Variants in AGPAT3 observed in about 807,000 individuals in gnomAD.
AGPAT3 encodes 1-acylglycerol-3-phosphate O-acyltransferase 3.
A neutral mutation model predicts 47.3 loss-of-function variants in AGPAT3; 5 were observed. The observed-to-expected ratio is 0.11, with a 90% CI of 0.06 to 0.22. The LOEUF is 0.22. AGPAT3 is among the 10% of genes least tolerant of loss of function. The pLI, the probability that AGPAT3 is intolerant of heterozygous loss-of-function variation, is 1.00. For synonymous variants in AGPAT3, 212 were observed against 208.3 expected, an observed-to-expected ratio of 1.02 and a Z score of -0.15; for missense variants, 315 against 493.0, an observed-to-expected ratio of 0.64 and a Z score of 3.42.
At position 43,920,330 on chromosome 21, in the gene AGPAT3, ACT is replaced by A. The variant is rs2086865004; in HGVS notation, c.-49+16313_-49+16314del. On this transcript the variant is annotated intron_variant, in intron 2 of 9. Transcript: ENST00000291572. This position sits in a 1 kb window ranked among gnomAD's most constrained non-coding sequence, Gnocchi z 6.1. ...AGTGTTGAATGTGTGTGTGAGTGTG[ACT>A]CGGCTGAGAGGAGACAGCGCAGCTG... Among the ~76,000 whole-genome samples, 1 of 151,858 alleles carries A rather than the reference ACT, an allele frequency of 6.6e-6. No individual in the cohort carries two copies. Among genetic ancestry groups the A allele is most frequent in the African/African-American group, 2.4e-5 (1 of 41,342 alleles).
chr21:43,927,009 G>A (rs959873553), intron 2 of AGPAT3, among the ~76,000 whole-genome samples: 1 of 151,008 alleles, frequency 6.6e-6, no homozygotes, highest in Non-Finnish European at 1.5e-5. Context: ...AAAGAGACAG[G>A]GTTTTGCCAT....
chr21:43,931,051 CT>C (rs1037229257), intron 2 of AGPAT3, among the ~76,000 whole-genome samples: 1 of 152,170 alleles, frequency 6.6e-6, no homozygotes, highest in Non-Finnish European at 1.5e-5. Context: ...TTGCCATTGC[CT>C]TTTCTCGAGG....
At chr21:43,865,384 C>G (rs1228928784) in intron 1 of AGPAT3, 39 bp downstream of exon 1, 1 of 146,738 alleles carries the variant, frequency 6.8e-6, no homozygotes, top group East Asian at 2.0e-4. Flanking sequence ...GGGCCGCCCC[C>G]CTCTTCCCCC....
intron 1 of AGPAT3, among the ~76,000 whole-genome samples, chr21:43,882,275 G>A (rs1018134796): frequency 2.6e-5 from 4 of 152,266 alleles, no homozygotes; most frequent in Admixed American, 1.3e-4. Flanking sequence ...TTAGTGCTCT[G>A]TGTTATTAAT....
chr21:43,915,278 C>T (rs1045316626), intron 2 of AGPAT3, among the ~76,000 whole-genome samples: 2 of 151,670 alleles, frequency 1.3e-5, no homozygotes, highest in Non-Finnish European at 2.9e-5. Context: ...TCTCAAACTC[C>T]TGAGCTCAAG....
At position 43,985,530 on chromosome 21, in the gene AGPAT3, TG is replaced by T. The variant is rs1205945129; in HGVS notation, c.*3139del. Reference sequence around the variant, plus strand: ...TCGTTGCGGTATTGCTGAGCATTGATGTTGATTTGAAGGAAAAGCCGTGGTT... The same window carrying T: ...TCGTTGCGGTATTGCTGAGCATTGATTTGATTTGAAGGAAAAGCCGTGGTT... On this transcript the variant is annotated 3_prime_UTR_variant, in exon 10 of 10. Coordinates refer to ENST00000291572, the MANE Select transcript of AGPAT3 (RefSeq NM_020132.5). The T allele has an allele frequency of 3.6e-6, 1 of 274,040 alleles. No individual in the cohort carries two copies. Among genetic ancestry groups the T allele is most frequent in the African/African-American group, 2.3e-5 (1 of 44,370 alleles). 17.0% of individuals were successfully genotyped at this position (274,040 alleles called of 1,614,324 possible).
At chr21:43,958,664 CAT>C (rs2088616109) in intron 2 of AGPAT3, among the ~76,000 whole-genome samples, 1 of 130,972 alleles carries the variant, frequency 7.6e-6, no homozygotes, top group African/African-American at 3.1e-5. Flanking sequence ...GTATATGTAG[CAT>C]GTGTATGGTT....
Position 43,906,223 on chromosome 21 carries a change from C to G in AGPAT3, c.-49+2204C>G, listed in dbSNP as rs79343939. ...AACCAAGCTTCTAGGGTGAGTAACT[C>G]GATATTCACCAAACCGGGTGACTGT... is the stretch of plus-strand genomic sequence containing the variant. On this transcript the variant is annotated intron_variant, in intron 2 of 9. Coordinates refer to ENST00000291572, the MANE Select transcript of AGPAT3 (RefSeq NM_020132.5). 8.7e-3 allele frequency among the ~76,000 whole-genome samples: 1,330 copies of G among 152,128 alleles called. 19 individuals are homozygous for G. The highest frequency in any genetic ancestry group is 0.03 in the African/African-American group (1,263 of 41,500).
At chr21:43,919,819 T>A (rs1238591739) in intron 2 of AGPAT3, 2 of 152,294 alleles carry the variant, frequency 1.3e-5, no homozygotes, top group Non-Finnish European at 2.9e-5. Context: ...CTTCACGAAT[T>A]TGCATGTCGT....
intron 2 of AGPAT3, among the ~76,000 whole-genome samples, chr21:43,959,156 CGTGTGTGGT>C (rs1411983272): frequency 1.3e-5 from 1 of 74,306 alleles, no homozygotes; most frequent in Admixed American, 1.4e-4. Flanking sequence ...ATGTGTGTGG[CGTGTGTGGT>C]GTGTGTGGTT....
In AGPAT3 at chr21:43,933,348, C is replaced by G. The variant is rs911287461; in HGVS notation, c.-48-26286C>G. ...TCTCCCTTGCGGGTCGTCTCTTTAC[C>G]CTGTCGTTCCCTTTGTCATGCAGAA... On this transcript the variant is annotated intron_variant, in intron 2 of 9. Coordinates refer to ENST00000291572, the MANE Select transcript of AGPAT3 (RefSeq NM_020132.5). This position sits in a 1 kb window ranked among gnomAD's most constrained non-coding sequence, Gnocchi z 6.0. 4.6e-5 allele frequency among the ~76,000 whole-genome samples: 7 copies of G among 152,136 alleles called. No homozygotes were observed. The highest frequency in any genetic ancestry group is 1.4e-4 in the African/African-American group (6 of 41,426).
intron 7 of AGPAT3, among the ~76,000 whole-genome samples, chr21:43,975,705 T>C (rs2089592467): frequency 6.6e-6 from 1 of 152,254 alleles, no homozygotes; most frequent in African/African-American, 2.4e-5. Context: ...GGTTCCTACC[T>C]GTGTATCTTA....
rs979914010 is a variant in AGPAT3, at chr21:43,982,802, C to T, written c.*410C>T. ...GCACCCCCCGCCCCCGAAACTGTCT[C>T]GTAATGAATTTCTGCTGTCCTCCTG... On this transcript the variant is annotated 3_prime_UTR_variant, in exon 10 of 10. Coordinates refer to ENST00000291572, the MANE Select transcript of AGPAT3 (RefSeq NM_020132.5). This position sits in a 1 kb window ranked among gnomAD's most constrained non-coding sequence, Gnocchi z 6.2. 9 of 172,686 alleles carry T rather than the reference C, an allele frequency of 5.2e-5. No homozygotes were observed. The highest frequency in any genetic ancestry group is 3.1e-4 in the Admixed American group (5 of 16,048). The allele number at this position is 172,686 out of a possible 1,614,324, so 10.7% of individuals were successfully genotyped here.
At chr21:43,906,124 A>G (rs1248388036) in intron 2 of AGPAT3, among the ~76,000 whole-genome samples, 2 of 152,232 alleles carry the variant, frequency 1.3e-5, no homozygotes, top group African/African-American at 2.4e-5. Context: ...AAAAGAACAG[A>G]AAGAAGGGCA....
At chr21:43,914,132 C>T (rs1168769328) in intron 2 of AGPAT3, among the ~76,000 whole-genome samples, 1 of 152,192 alleles carries the variant, frequency 6.6e-6, no homozygotes, top group Non-Finnish European at 1.5e-5. Flanking sequence ...GGTTGAGGCT[C>T]ATAAAGAAAA....
intron 3 of AGPAT3, among the ~76,000 whole-genome samples, chr21:43,961,032 C>T (rs1405591239): frequency 2.0e-5 from 3 of 151,704 alleles, no homozygotes; most frequent in African/African-American, 4.8e-5. Context: ...CCCAGCTACT[C>T]GGGAGGCTGA....
chr21:43,919,105 G>A (rs949063636), intron 2 of AGPAT3, among the ~76,000 whole-genome samples: 4 of 151,922 alleles, frequency 2.6e-5, no homozygotes, highest in Non-Finnish European at 5.9e-5. Flanking sequence ...TTGGAGTGTC[G>A]TCCTTAAATG....
At position 43,970,784 on chromosome 21, in the gene AGPAT3, A is replaced by C; in HGVS notation, c.642A>C (p.Ala214=). ...CGCGGACCAAGGGCTTCACCACCGC[A>C]GTCAAGTGCCTCCGGGGGACAGGTA... The part of the protein sequence containing the change: ...LLPRTKGFTT[A]VKCLRGTVAA... The change falls in exon 6 of 10, where the codon GCA becomes GCC. Residue 214 remains alanine, a synonymous_variant. Coordinates refer to ENST00000291572, the MANE Select transcript of AGPAT3 (RefSeq NM_020132.5). This position sits in a 1 kb window ranked among gnomAD's most constrained non-coding sequence, Gnocchi z 5.8. 1 of 1,593,122 alleles carries C rather than the reference A, an allele frequency of 6.3e-7. No individual in the cohort carries two copies. Among genetic ancestry groups the C allele is most frequent in the Non-Finnish European group, 8.6e-7 (1 of 1,165,164 alleles).
chr21:43,883,069 A>G (rs2085889778), intron 1 of AGPAT3, among the ~76,000 whole-genome samples: 1 of 152,218 alleles, frequency 6.6e-6, no homozygotes, highest in African/African-American at 2.4e-5. Context: ...TAAGCGGGCA[A>G]ATGCTGAATT....
Sources: gnomAD v4.1 joint callset for allele counts (sites outside exome capture counted in the v4.1 genomes callset) on GRCh38, gnomAD v4.1.1 for gene constraint, Gnocchi (gnomAD v3.1) non-coding constraint, MANE v1.5 for transcripts, NCBI Gene and HGNC (gene_info 2026-07-23, HGNC 2026-07-21) for gene names.